The following CUX2 variants were observed in gnomAD, a reference collection of about 807,000 sequenced individuals.
The protein encoded by CUX2 is cut like homeobox 2, also known as homeobox protein cut-like 2.
A neutral mutation model predicts 144.8 loss-of-function variants in CUX2; 40 were observed. The ratio of observed to expected loss-of-function variants is 0.28; its 90% CI spans 0.21 to 0.36. The LOEUF (loss-of-function observed/expected upper bound fraction) is 0.36, where lower values mean the gene tolerates loss of function less well. Ranked by LOEUF, CUX2 falls within the 10% of genes least tolerant of loss-of-function variation. The pLI, the probability that CUX2 is intolerant of heterozygous loss-of-function variation, is 1.00. For missense variants in CUX2, 1,615 were observed against 1,994.0 expected, an observed-to-expected ratio of 0.81 and a Z score of 3.62; for synonymous variants, 827 against 875.6, an observed-to-expected ratio of 0.94 and a Z score of 0.98.
At position 111,342,011 on chromosome 12, in the gene CUX2, A is replaced by G. The variant is rs1210990976; in HGVS notation, c.3617A>G (p.Asn1206Ser). 15 of 1,614,034 alleles carry G rather than the reference A, an allele frequency of 9.3e-6. No homozygotes were observed. Among genetic ancestry groups the G allele is most frequent in the Admixed American group, 1.7e-5 (1 of 60,010 alleles). ...QTIELLSFQL[N>S]LKTNTVINWF... is the part of the protein sequence containing the mutation. The stretch of plus-strand genomic sequence containing the variant: ...ATCGAGCTCCTCTCCTTCCAGCTCA[A>G]CCTCAAGACCAACACCGTCATCAAC... Residue 1206 changes from asparagine to serine, a missense_variant, in exon 21 of 22, where the codon AAC (asparagine) becomes AGC (serine). Physicochemically the swap from Asn to Ser is conservative, Grantham distance 46 (BLOSUM62 1). Transcript: ENST00000261726.
At chr12:111,154,445 C>T (rs192162804) in intron 1 of CUX2, among the ~76,000 whole-genome samples, 2 of 152,150 alleles carry the variant, frequency 1.3e-5, no homozygotes, top group African/African-American at 4.8e-5. Context: ...TCAGAGCCTT[C>T]TTTTCCTCCT....
At chr12:111,082,229 C>T (rs1257285930) in intron 1 of CUX2, among the ~76,000 whole-genome samples, 1 of 151,984 alleles carries the variant, frequency 6.6e-6, no homozygotes, top group African/African-American at 2.4e-5. Flanking sequence ...ATGTTGTGGA[C>T]AGAGCAATTC....
At chr12:111,268,750 A>T (rs1478919355) in intron 4 of CUX2, among the ~76,000 whole-genome samples, 1 of 152,220 alleles carries the variant, frequency 6.6e-6, no homozygotes, top group East Asian at 1.9e-4. Context: ...CTTTTTGCTT[A>T]TAATGTCTCC....
chr12:111,335,154 G>A (rs1888292783), intron 19 of CUX2, among the ~76,000 whole-genome samples: 1 of 152,198 alleles, frequency 6.6e-6, no homozygotes, highest in Non-Finnish European at 1.5e-5. Context: ...ATTTTGGGAG[G>A]CCCAGGCAGG....
intron 4 of CUX2, among the ~76,000 whole-genome samples, chr12:111,279,811 T>C (rs11065849): frequency 0.22 from 33,765 of 152,022 alleles, 4,533 homozygotes; most frequent in East Asian, 0.64. Context: ...GTGAAACCCC[T>C]TCTCTATTAA....
chr12:111,317,869 G>T (rs978965118), intron 16 of CUX2, among the ~76,000 whole-genome samples: 1 of 152,020 alleles, frequency 6.6e-6, no homozygotes, highest in Non-Finnish European at 1.5e-5. Flanking sequence ...GCCTGGTGGC[G>T]AGTGCCTGTA....
At chr12:111,127,136 GA>G (rs1875137639) in intron 1 of CUX2, among the ~76,000 whole-genome samples, 1 of 152,184 alleles carries the variant, frequency 6.6e-6, no homozygotes, top group Non-Finnish European at 1.5e-5. Flanking sequence ...AAATAAGGAG[GA>G]AATACTCATG....
intron 1 of CUX2, among the ~76,000 whole-genome samples, chr12:111,209,257 C>T (rs1049711067): frequency 3.9e-5 from 6 of 152,240 alleles, no homozygotes; most frequent in African/African-American, 7.2e-5. Context: ...ACTAGCCTGG[C>T]GTGGTAGCAC....
chr12:111,067,163 C>T (rs1281287139), intron 1 of CUX2, among the ~76,000 whole-genome samples: 2 of 152,224 alleles, frequency 1.3e-5, no homozygotes, highest in Admixed American at 1.3e-4. Flanking sequence ...TCCACCTCTA[C>T]ACAGTCATGT....
intron 3 of CUX2, among the ~76,000 whole-genome samples, chr12:111,247,353 G>C (rs1437351893): frequency 1.3e-5 from 2 of 152,242 alleles, no homozygotes; most frequent in South Asian, 2.1e-4. Flanking sequence ...ATATTTAAAA[G>C]CCTGGGCAGG....
chr12:111,091,736 C>T (rs1461618724), intron 1 of CUX2, among the ~76,000 whole-genome samples: 1 of 152,194 alleles, frequency 6.6e-6, no homozygotes, highest in Non-Finnish European at 1.5e-5. Context: ...GCTGTGCTCC[C>T]TCTCCAGACT....
At chr12:111,156,528 G>T (rs1388525560) in intron 1 of CUX2, among the ~76,000 whole-genome samples, 2 of 152,084 alleles carry the variant, frequency 1.3e-5, no homozygotes, top group Non-Finnish European at 2.9e-5. Flanking sequence ...CTGACCCCTA[G>T]CGTCTTTCTC....
At chr12:111,324,876 G>A (rs957207276) in intron 18 of CUX2, among the ~76,000 whole-genome samples, 1 of 152,168 alleles carries the variant, frequency 6.6e-6, no homozygotes, top group East Asian at 1.9e-4. Flanking sequence ...ACGGTGATGG[G>A]TGGAAGGGAG....
At chr12:111,208,936 C>T (rs1027250135) in intron 1 of CUX2, among the ~76,000 whole-genome samples, 15 of 152,006 alleles carry the variant, frequency 9.9e-5, no homozygotes, top group African/African-American at 3.6e-4. Context: ...TCTCTAGTGA[C>T]AAGAAAGTGT....
At chr12:111,095,132 G>A (rs1191388104) in intron 1 of CUX2, among the ~76,000 whole-genome samples, 2 of 152,164 alleles carry the variant, frequency 1.3e-5, no homozygotes, top group African/African-American at 4.8e-5. Context: ...GACTAGCCAT[G>A]TGTTTTCCTG....
At chr12:111,260,424 A>G (rs565680490) in intron 3 of CUX2, among the ~76,000 whole-genome samples, 11 of 152,158 alleles carry the variant, frequency 7.2e-5, no homozygotes, top group African/African-American at 2.6e-4. Flanking sequence ...AGATCGTGCC[A>G]CTGCACTCCA....
chr12:111,341,649 C>A, intron 20 of CUX2, 131 bp from the exon 21 acceptor site: 1 of 1,044,340 alleles, frequency 9.6e-7, no homozygotes, highest in Non-Finnish European at 1.4e-6. Flanking sequence ...GGGGGGCGGG[C>A]CTCTAAGCTT....
chr12:111,093,268 G>C (rs769268302), intron 1 of CUX2, among the ~76,000 whole-genome samples: 3 of 152,168 alleles, frequency 2.0e-5, no homozygotes, highest in Non-Finnish European at 2.9e-5. Context: ...ACCTGTTTCA[G>C]GTTCCCAGCT....
intron 1 of CUX2, among the ~76,000 whole-genome samples, chr12:111,119,571 A>C (rs1411355833): frequency 6.6e-6 from 1 of 152,314 alleles, no homozygotes; most frequent in South Asian, 2.1e-4. Context: ...TTCTTGAAGC[A>C]GTTTTAACTG....
Sources: gnomAD v4.1 joint callset for allele counts (sites outside exome capture counted in the v4.1 genomes callset) on GRCh38, gnomAD v4.1.1 for gene constraint, MANE v1.5 for transcripts, NCBI Gene and HGNC (gene_info 2026-07-23, HGNC 2026-07-21) for gene names.